TENM3: variants seen among roughly 807,000 people sequenced by gnomAD.
TENM3 encodes teneurin transmembrane protein 3.
A neutral mutation model predicts 255.1 loss-of-function variants in TENM3; 63 were observed. That is an observed-to-expected ratio of 0.25 (90% CI 0.20 to 0.30). The LOEUF (loss-of-function observed/expected upper bound fraction) is 0.30. Among genes scored for constraint, TENM3 ranks in the 10% least tolerant of loss-of-function variants. TENM3 has a pLI of 1.00. For missense variants in TENM3, 2,929 were observed against 3,461.1 expected, an observed-to-expected ratio of 0.85 and a Z score of 3.86; for synonymous variants, 1,306 against 1,322.3, an observed-to-expected ratio of 0.99 and a Z score of 0.27.
At chr4:182,449,732 G>A (rs1773293044) in intron 3 of TENM3, among the ~76,000 whole-genome samples, 1 of 152,248 alleles carries the variant, frequency 6.6e-6, no homozygotes, top group Admixed American at 6.5e-5. Context: ...TCTTTTGCCT[G>A]CGAAATACGT....
the TENM3 span, among the ~76,000 whole-genome samples, chr4:181,589,595 C>T: frequency 6.6e-6 from 1 of 152,110 alleles, no homozygotes; most frequent in Non-Finnish European, 1.5e-5. Context: ...GAATTTTTGG[C>T]TGGACCTGAG....
chr4:182,491,618 G>A (rs776201721), intron 3 of TENM3, among the ~76,000 whole-genome samples: 1 of 152,118 alleles, frequency 6.6e-6, no homozygotes, highest in Admixed American at 6.6e-5. Context: ...TTGAAACATG[G>A]TAGTGAAAAT....
At chr4:182,621,737 A>ATT (rs1561016751) in intron 4 of TENM3, among the ~76,000 whole-genome samples, 56 of 2,150 alleles carry the variant, frequency 0.026, 2 homozygotes, top group Non-Finnish European at 0.034. Flanking sequence ...TAAAATATAT[A>ATT]ATATATAATA....
At chr4:182,762,032 T>TA (rs1763241240) in intron 22 of TENM3, among the ~76,000 whole-genome samples, 2 of 152,212 alleles carry the variant, frequency 1.3e-5, no homozygotes, top group Admixed American at 6.5e-5. Flanking sequence ...GTCTAGTTTT[T>TA]AAAAATCATT....
At chr4:181,953,203 T>C in the TENM3 span, among the ~76,000 whole-genome samples, 1 of 151,944 alleles carries the variant, frequency 6.6e-6, no homozygotes, top group Non-Finnish European at 1.5e-5. Context: ...TCAATATAAC[T>C]CCATGAAGTG....
At chr4:182,738,274 C>A in intron 17 of TENM3, 127 bp from the exon 18 acceptor site, 3 of 733,364 alleles carry the variant, frequency 4.1e-6, no homozygotes, top group South Asian at 3.2e-5. Flanking sequence ...AAATAAACTG[C>A]TCATAAATAA....
chr4:182,680,191 TA>T (rs1756034100), intron 8 of TENM3, 56 bp from the exon 9 acceptor site: 1 of 1,235,904 alleles, frequency 8.1e-7, no homozygotes, highest in Admixed American at 1.8e-5. Flanking sequence ...TGATACCGTT[TA>T]TCTTTTGCAA....
the TENM3 span, among the ~76,000 whole-genome samples, chr4:181,914,953 A>G: frequency 2.0e-5 from 3 of 152,172 alleles, no homozygotes; most frequent in Admixed American, 6.5e-5. Context: ...TGACCTGTCC[A>G]TTTACAGATG....
the TENM3 span, among the ~76,000 whole-genome samples, chr4:181,460,066 A>G: frequency 4.6e-5 from 7 of 151,870 alleles, no homozygotes; most frequent in Non-Finnish European, 8.8e-5. Context: ...ATATTTCATG[A>G]CATTCGTTGC....
chr4:181,534,885 T>A, the TENM3 span, among the ~76,000 whole-genome samples: 7 of 152,132 alleles, frequency 4.6e-5, no homozygotes, highest in Non-Finnish European at 1.0e-4. Flanking sequence ...TTATATCTGA[T>A]TCAAAACTTC....
At chr4:182,131,868 A>G in the TENM3 span, among the ~76,000 whole-genome samples, 1 of 152,214 alleles carries the variant, frequency 6.6e-6, no homozygotes, top group Non-Finnish European at 1.5e-5. Flanking sequence ...AATTTCAAAT[A>G]GCAGCAAACT....
the TENM3 span, among the ~76,000 whole-genome samples, chr4:181,633,791 G>T: frequency 6.6e-6 from 1 of 152,184 alleles, no homozygotes; most frequent in Non-Finnish European, 1.5e-5. Context: ...TAGCACACGG[G>T]ACATAAATTT....
chr4:181,849,961 A>ACACACACACACACACACACACC, the TENM3 span, among the ~76,000 whole-genome samples: 1 of 130,212 alleles, frequency 7.7e-6, no homozygotes, highest in African/African-American at 3.0e-5. Context: ...ACACACACAC[A>ACACACACACACACACACACACC]CACACACACA....
chr4:182,283,625 T>C (rs903584505), intron 1 of TENM3, among the ~76,000 whole-genome samples: 9 of 152,178 alleles, frequency 5.9e-5, no homozygotes, highest in African/African-American at 2.2e-4. Flanking sequence ...TGGTCTGTAA[T>C]GAGAAGTTGC....
At chr4:182,724,613 A>G (rs1760019232) in intron 13 of TENM3, among the ~76,000 whole-genome samples, 1 of 152,236 alleles carries the variant, frequency 6.6e-6, no homozygotes, top group Non-Finnish European at 1.5e-5. Context: ...CCTGCAGACT[A>G]CATGCCAGAT....
chr4:181,807,542 A>G, the TENM3 span, among the ~76,000 whole-genome samples: 1 of 152,106 alleles, frequency 6.6e-6, no homozygotes, highest in South Asian at 2.1e-4. Context: ...TAGTAGAGAC[A>G]GGGTTTCTGC....
At chr4:181,689,395 G>A in the TENM3 span, among the ~76,000 whole-genome samples, 4 of 152,058 alleles carry the variant, frequency 2.6e-5, no homozygotes, top group Non-Finnish European at 5.9e-5. Context: ...CATCCAACTC[G>A]GCAAAGCCAC....
At chr4:181,770,081 G>A in the TENM3 span, among the ~76,000 whole-genome samples, 1 of 152,146 alleles carries the variant, frequency 6.6e-6, no homozygotes, top group Admixed American at 6.5e-5. Flanking sequence ...AAATCTAATT[G>A]TTGAATATGC....
intron 1 of TENM3, among the ~76,000 whole-genome samples, chr4:182,314,217 C>A (rs894395002): frequency 6.6e-6 from 1 of 151,876 alleles, no homozygotes; most frequent in Non-Finnish European, 1.5e-5. Flanking sequence ...AGGAGAATGG[C>A]GTGAACCTGG....
Sources: allele counts gnomAD v4.1 joint callset (sites outside exome capture counted in the v4.1 genomes callset), GRCh38; gene constraint gnomAD v4.1.1; transcripts MANE v1.5; gene names NCBI Gene and HGNC (gene_info 2026-07-23, HGNC 2026-07-21).